GLRX2: variants seen among roughly 807,000 people sequenced by gnomAD.
GLRX2 encodes the protein glutaredoxin 2, also known as bA101E13.1 (GRX2 glutaredoxin (thioltransferase) 2).
In GLRX2, 12 loss-of-function variants were observed where a neutral mutation model predicts 16.4. The observed-to-expected ratio is 0.73, with a 90% CI of 0.47 to 1.19. GLRX2 has a LOEUF of 1.19. GLRX2 is among the 50% of genes most tolerant of loss of function. The pLI, the probability that GLRX2 is intolerant of heterozygous loss-of-function variation, is 0.00. For missense variants in GLRX2, 201 were observed against 201.8 expected, an observed-to-expected ratio of 1.00 and a Z score of 0.02; for synonymous variants, 95 against 76.2, an observed-to-expected ratio of 1.25 and a Z score of -1.28.
intron 2 of GLRX2, among the ~76,000 whole-genome samples, chr1:193,098,640 C>G (rs1336811417): frequency 1.3e-5 from 2 of 152,152 alleles, no homozygotes; most frequent in Non-Finnish European, 2.9e-5. Context: ...CAACCTGCGC[C>G]TCCCAGGTTC....
At position 193,105,299 on chromosome 1, in the gene GLRX2, C is replaced by T. The variant is rs761245009; in HGVS notation, c.84G>A (p.Ala28=). 13 of 1,530,882 alleles carry T rather than the reference C, an allele frequency of 8.5e-6. No individual in the cohort carries two copies. In the African/African-American group the frequency reaches 1.9e-4, roughly 22 times the overall value. The allele number at this position is 1,530,882 out of a possible 1,614,324, so 94.8% of individuals were successfully genotyped here. Residue 28 remains alanine (A), a synonymous_variant, in exon 1 of 4, where the codon GCG becomes GCA. Transcript: ENST00000367439. ...CAGCTGCCGCAGCTCCCGCAGCTCC[C>T]GCCGCCCTGTCAAGCCAGCCTGCCG... ...SGSAGWLDRA[A]GAAGAAAAAA...
At chr1:193,100,432 C>T (rs1028082526) in intron 2 of GLRX2, among the ~76,000 whole-genome samples, 1 of 152,208 alleles carries the variant, frequency 6.6e-6, no homozygotes, top group Admixed American at 6.5e-5. Flanking sequence ...TGAGATCGCA[C>T]CACTGCACTC....
chr1:193,100,593 G>C (rs188386319), intron 2 of GLRX2, among the ~76,000 whole-genome samples: 105 of 152,296 alleles, frequency 6.9e-4, no homozygotes, highest in African/African-American at 2.4e-3. Context: ...GTAGTGAGTG[G>C]TAAGCAAGAG....
At chr1:193,105,900 TA>T, upstream of GLRX2, 1 of 1,126,356 alleles carries the variant, frequency 8.9e-7, no homozygotes. Context: ...ATTATGGGGA[TA>T]TTGGGGTTTA....
intron 1 of GLRX2, among the ~76,000 whole-genome samples, chr1:193,103,583 G>A (rs1406401264): frequency 6.6e-6 from 1 of 152,034 alleles, no homozygotes; most frequent in Non-Finnish European, 1.5e-5. Context: ...TACTATCCGA[G>A]GTTTTAGGCA....
At chr1:193,097,862 C>G (rs1271119515) in intron 2 of GLRX2, 102 bp from the exon 3 acceptor site, 3 of 707,146 alleles carry the variant, frequency 4.2e-6, no homozygotes, top group Non-Finnish European at 4.3e-6. Context: ...TCTCATGATT[C>G]TGGGCTCAAA....
Position 193,100,730 on chromosome 1 carries a change from G to A in GLRX2, c.183+411C>T, listed in dbSNP as rs115108456. Among the ~76,000 whole-genome samples the A allele has an allele frequency of 6.1e-3, 932 of 152,294 alleles. 7 individuals carry two copies. Among genetic ancestry groups the A allele is most frequent in the Admixed American group, 0.011 (174 of 15,292 alleles). On this transcript the variant is annotated intron_variant, in intron 2 of 3. Transcript: ENST00000367439. ...GGAAAAGAAGTCCTATCCCTGAGAGGATGGTTTACGGAGTAACTACTGCAC... is the reference window on the plus strand; with the variant it reads ...GGAAAAGAAGTCCTATCCCTGAGAGAATGGTTTACGGAGTAACTACTGCAC...
chr1:193,099,297 A>T (rs1675025457), intron 2 of GLRX2, among the ~76,000 whole-genome samples: 1 of 152,096 alleles, frequency 6.6e-6, no homozygotes, highest in African/African-American at 2.4e-5. Flanking sequence ...AAAGATTTTG[A>T]ATGGATAGAT....
upstream of GLRX2, chr1:193,105,502 G>C (rs373761376): frequency 1.1e-4 from 158 of 1,497,778 alleles, no homozygotes; most frequent in East Asian, 3.3e-3. Context: ...GACTGCCCGC[G>C]CCGCCGCCGG....
At chr1:193,105,884 A>G (rs754986398), upstream of GLRX2, 7 of 1,154,044 alleles carry the variant, frequency 6.1e-6, no homozygotes, top group Admixed American at 4.8e-5. Context: ...TCGAGACCCA[A>G]TGTAAATTAT....
chr1:193,101,383 C>G (rs35241972), intron 1 of GLRX2, among the ~76,000 whole-genome samples, 179 bp from the exon 2 acceptor site: 6 of 152,018 alleles, frequency 3.9e-5, no homozygotes, highest in Non-Finnish European at 5.9e-5. Flanking sequence ...TCACTAAAAC[C>G]AAAAAGGCCT....
chr1:193,096,591 T>C lies in GLRX2; in HGVS notation c.*34A>G. 5 of 1,325,858 alleles carry C rather than the reference T, an allele frequency of 3.8e-6. No homozygotes were observed. Among genetic ancestry groups the C allele is most frequent in the Non-Finnish European group, 5.3e-6 (5 of 945,464 alleles). 82.1% of individuals were successfully genotyped at this position (1,325,858 alleles called of 1,614,324 possible). On this transcript the variant is annotated 3_prime_UTR_variant, in exon 4 of 4. Coordinates refer to ENST00000367439, the MANE Select transcript of GLRX2 (RefSeq NM_197962.3). ...ATCGGGCATTACCACTTTAAATAAC[T>C]GACACTGTACTAGCAAACTTATTAG...
intron 1 of GLRX2, among the ~76,000 whole-genome samples, chr1:193,103,062 T>G (rs1032023386): frequency 6.6e-6 from 1 of 152,038 alleles, no homozygotes; most frequent in African/African-American, 2.4e-5. Flanking sequence ...TAAATAATAA[T>G]AATAATAATG....
chr1:193,105,774 A>C, upstream of GLRX2: 5 of 1,357,264 alleles, frequency 3.7e-6, no homozygotes, highest in East Asian at 5.9e-5. Flanking sequence ...CCAAAACAGA[A>C]TCAAAGTGGT....
intron 2 of GLRX2, among the ~76,000 whole-genome samples, chr1:193,099,050 T>C (rs1248708388): frequency 2.6e-5 from 4 of 152,212 alleles, no homozygotes; most frequent in African/African-American, 9.6e-5. Context: ...GGTATTCTCA[T>C]ACTCTTAATT....
rs1674961924 is a variant in GLRX2, at chr1:193,096,523, C to A, written c.*102G>T. On this transcript the variant is annotated 3_prime_UTR_variant, in exon 4 of 4. Coordinates refer to ENST00000367439, the MANE Select transcript of GLRX2 (RefSeq NM_197962.3). ...TATTTTTACATCTTCTTCGTGAAGA[C>A]AATGCATGTATTTAAAACATCCTCA... The A allele has an allele frequency of 3.5e-6, 2 of 579,026 alleles. No individual in the cohort carries two copies. Among genetic ancestry groups the A allele is most frequent in the Non-Finnish European group, 5.8e-6 (2 of 342,082 alleles). The allele number at this position is 579,026 out of a possible 1,614,324, so 35.9% of individuals were successfully genotyped here.
chr1:193,103,021 T>C (rs1229253074), intron 1 of GLRX2, among the ~76,000 whole-genome samples: 3 of 152,154 alleles, frequency 2.0e-5, no homozygotes, highest in Non-Finnish European at 4.4e-5. Flanking sequence ...TTTTACTTAA[T>C]AATGGCTCCA....
chr1:193,099,598 C>G (rs1048529313), intron 2 of GLRX2, among the ~76,000 whole-genome samples: 3 of 152,130 alleles, frequency 2.0e-5, no homozygotes, highest in African/African-American at 7.2e-5. Flanking sequence ...TTCCAAAGTG[C>G]TGGGATTAAG....
chr1:193,105,458 CCCCCGCCTTG>C, upstream of GLRX2: 1 of 1,452,150 alleles, frequency 6.9e-7, no homozygotes, highest in Non-Finnish European at 9.0e-7. Flanking sequence ...TCCGGCCCGG[CCCCCGCCTTG>C]CCCCGCCCCG....
Sources: allele counts gnomAD v4.1 joint callset (sites outside exome capture counted in the v4.1 genomes callset), GRCh38; gene constraint gnomAD v4.1.1; transcripts MANE v1.5; gene names NCBI Gene and HGNC (gene_info 2026-07-23, HGNC 2026-07-21).